LRRC4C: variants seen among roughly 807,000 people sequenced by gnomAD.
LRRC4C encodes the protein leucine-rich repeat-containing protein 4C.
LRRC4C carries 5 observed loss-of-function variants against 33.6 expected under a neutral mutation model. The observed-to-expected ratio is 0.15, with a 90% CI of 0.08 to 0.31. The LOEUF (loss-of-function observed/expected upper bound fraction) is 0.31, where lower values mean the gene tolerates loss of function less well. LRRC4C is among the 10% of genes least tolerant of loss of function. LRRC4C has a pLI of 1.00. For synonymous variants in LRRC4C, 329 were observed against 302.0 expected (o/e 1.09, Z -0.93); for missense variants, 560 against 796.7 (o/e 0.70, Z 3.58).
intron 3 of LRRC4C, among the ~76,000 whole-genome samples, chr11:40,619,565 C>G (rs1448557638): frequency 6.6e-6 from 1 of 151,742 alleles, no homozygotes; most frequent in Non-Finnish European, 1.5e-5. Flanking sequence ...GAATGCACAT[C>G]ACTAGTGGTG....
In LRRC4C at chr11:40,479,417, A is replaced by G. The variant is rs149996178; in HGVS notation, c.-269-159696T>C. 6.6e-3 allele frequency among the ~76,000 whole-genome samples: 1,002 copies of G among 152,252 alleles called. 17 individuals are homozygous for G. Among genetic ancestry groups the G allele is most frequent in the African/African-American group, 0.023 (961 of 41,552 alleles). On this transcript the variant is annotated intron_variant, in intron 3 of 6. Coordinates refer to ENST00000528697, the MANE Select transcript of LRRC4C (RefSeq NM_001258419.2). ...TCCTTCTGGAGCTTATGTTACAGAG[A>G]GGAGAAGAGTGCCAATGTTAGAGTA...
At chr11:41,285,000 T>C (rs1949780417) in intron 1 of LRRC4C, among the ~76,000 whole-genome samples, 1 of 152,116 alleles carries the variant, frequency 6.6e-6, no homozygotes, top group Non-Finnish European at 1.5e-5. Flanking sequence ...TGAAGTAAAT[T>C]TTTTCTCAAG....
At chr11:40,836,688 C>T (rs1007105823) in intron 2 of LRRC4C, among the ~76,000 whole-genome samples, 2 of 152,058 alleles carry the variant, frequency 1.3e-5, no homozygotes, top group Admixed American at 6.6e-5. Context: ...GACTCAACGT[C>T]GATGTTTACT....
chr11:41,387,152 T>A (rs539861149), intron 1 of LRRC4C, among the ~76,000 whole-genome samples: 10 of 151,892 alleles, frequency 6.6e-5, no homozygotes, highest in South Asian at 2.1e-4. Flanking sequence ...AAAAGCTTTT[T>A]TTCTCCTGTA....
intron 1 of LRRC4C, among the ~76,000 whole-genome samples, chr11:41,209,384 A>C (rs1946728196): frequency 6.6e-6 from 1 of 151,772 alleles, no homozygotes; most frequent in African/African-American, 2.4e-5. Context: ...TTCCAGTCTC[A>C]CCGTTGTATT....
intron 1 of LRRC4C, among the ~76,000 whole-genome samples, chr11:41,094,353 G>A (rs11036229): frequency 0.023 from 3,512 of 151,368 alleles, 63 homozygotes; most frequent in Non-Finnish European, 0.036. Flanking sequence ...GTGAAACCCC[G>A]TCTCTACTAA....
At chr11:41,239,346 AT>A (rs1948158192) in intron 1 of LRRC4C, among the ~76,000 whole-genome samples, 2 of 148,228 alleles carry the variant, frequency 1.3e-5, no homozygotes, top group African/African-American at 5.0e-5. Flanking sequence ...AAAAAAAAAA[AT>A]GTCCTCCACA....
intron 2 of LRRC4C, among the ~76,000 whole-genome samples, chr11:40,777,854 A>AT (rs1307388199): frequency 6.6e-6 from 1 of 151,472 alleles, no homozygotes; most frequent in Non-Finnish European, 1.5e-5. Flanking sequence ...TGCCCAGCTA[A>AT]TTTTTTTGTA....
At chr11:41,348,133 A>G (rs1312279547) in intron 1 of LRRC4C, among the ~76,000 whole-genome samples, 1 of 152,214 alleles carries the variant, frequency 6.6e-6, no homozygotes, top group Non-Finnish European at 1.5e-5. Flanking sequence ...GTTTTCTACT[A>G]CTTCCTACCT....
intron 1 of LRRC4C, chr11:41,424,037 CA>C (rs1376679130): frequency 6.6e-6 from 1 of 152,074 alleles, no homozygotes; most frequent in East Asian, 1.9e-4. Context: ...ATATCTTTAT[CA>C]GCAGTGTCAA....
intron 1 of LRRC4C, among the ~76,000 whole-genome samples, chr11:41,310,151 G>A (rs1950607019): frequency 6.6e-6 from 1 of 152,184 alleles, no homozygotes; most frequent in South Asian, 2.1e-4. Flanking sequence ...AGTTTGAGCT[G>A]CATTAATAAA....
At chr11:40,527,783 T>C (rs1956115004) in intron 3 of LRRC4C, among the ~76,000 whole-genome samples, 2 of 152,048 alleles carry the variant, frequency 1.3e-5, no homozygotes, top group African/African-American at 4.8e-5. Context: ...AGTGTCACTC[T>C]TGTTACCCAG....
intron 2 of LRRC4C, among the ~76,000 whole-genome samples, chr11:40,871,640 G>T (rs1954653901): frequency 6.6e-6 from 1 of 152,032 alleles, no homozygotes; most frequent in African/African-American, 2.4e-5. Flanking sequence ...ACATCCAAAT[G>T]GCTCAAGCAG....
intron 3 of LRRC4C, among the ~76,000 whole-genome samples, chr11:40,636,570 G>A (rs1234784448): frequency 6.6e-6 from 1 of 152,140 alleles, no homozygotes; most frequent in African/African-American, 2.4e-5. Flanking sequence ...AACTGTCAAT[G>A]TTCTCATAAA....
intron 3 of LRRC4C, among the ~76,000 whole-genome samples, chr11:40,617,196 A>G (rs982929705): frequency 1.5e-4 from 22 of 151,676 alleles, no homozygotes; most frequent in Admixed American, 1.1e-3. Context: ...CTTTTATTAC[A>G]CTTAGATAGC....
chr11:40,158,579 CAA>C (rs10652402), intron 5 of LRRC4C, among the ~76,000 whole-genome samples: 27 of 141,256 alleles, frequency 1.9e-4, no homozygotes, highest in African/African-American at 6.5e-4. Context: ...ACATACTTAT[CAA>C]AAAAAAAAAA....
At chr11:40,282,552 C>CTATTATTAGAGATTAA (rs1176844620) in intron 4 of LRRC4C, among the ~76,000 whole-genome samples, 1 of 151,818 alleles carries the variant, frequency 6.6e-6, no homozygotes, top group East Asian at 1.9e-4. Context: ...TTATCATCTG[C>CTATTATTAGAGATTAA]TATTATTAGA....
intron 6 of LRRC4C, among the ~76,000 whole-genome samples, chr11:40,126,026 G>A (rs1047331981): frequency 1.3e-5 from 2 of 152,012 alleles, no homozygotes; most frequent in Non-Finnish European, 2.9e-5. Context: ...GTAGGTAAAT[G>A]TAATGGAAAT....
chr11:41,386,065 T>G (rs1022256586), intron 1 of LRRC4C, among the ~76,000 whole-genome samples: 1 of 151,654 alleles, frequency 6.6e-6, no homozygotes, highest in African/African-American at 2.4e-5. Context: ...ACATCTTTGC[T>G]TAGACTTTAT....
Sources: gnomAD v4.1 joint callset for allele counts (sites outside exome capture counted in the v4.1 genomes callset) on GRCh38, gnomAD v4.1.1 for gene constraint, MANE v1.5 for transcripts, NCBI Gene and HGNC (gene_info 2026-07-23, HGNC 2026-07-21) for gene names.